Variants in MAST2 observed in about 807,000 individuals in gnomAD.
The protein encoded by MAST2 is microtubule associated serine/threonine kinase 2, also known as microtubule-associated serine/threonine-protein kinase 2.
MAST2 carries 70 observed loss-of-function variants against 147.4 expected under a neutral mutation model. The observed-to-expected ratio is 0.47, with a 90% confidence interval of 0.39 to 0.58. The LOEUF (loss-of-function observed/expected upper bound fraction) is 0.58, where lower values mean the gene tolerates loss of function less well. MAST2 is among the 20% of genes least tolerant of loss of function. The pLI is 0.00. For missense variants in MAST2, 2,080 were observed against 2,302.3 expected (o/e 0.90, Z 1.98); for synonymous variants, 869 against 896.8 (o/e 0.97, Z 0.55).
chr1:45,804,444 T>C (rs1001572782), intron 1 of MAST2, among the ~76,000 whole-genome samples: 3 of 152,160 alleles, frequency 2.0e-5, no homozygotes, highest in Non-Finnish European at 1.5e-5. Flanking sequence ...TTTGATGTAG[T>C]GTTATCCTGT....
chr1:45,809,625 G>A (rs1273904612), intron 1 of MAST2, among the ~76,000 whole-genome samples: 2 of 152,136 alleles, frequency 1.3e-5, no homozygotes, highest in Admixed American at 6.5e-5. Context: ...GAATGAGACC[G>A]TGTCTCGTAA....
At position 46,034,794 on chromosome 1, in the gene MAST2, C is replaced by T. The variant is rs576167345; in HGVS notation, c.4125C>T (p.Pro1375=). ...PLSGHVAQAF[P]TKLHLSPPLG... is the part of the protein sequence containing the mutation. ...CTGGCCATGTAGCCCAGGCCTTTCC[C>T]ACAAAGCTTCACTTGTCACCTCCCC... The change falls in exon 29 of 29, where the codon CCC becomes CCT. Residue 1375 remains proline (P), a synonymous_variant. Coordinates refer to ENST00000361297, the MANE Select transcript of MAST2 (RefSeq NM_015112.3). 18 of 1,613,986 alleles carry T rather than the reference C, an allele frequency of 1.1e-5. No homozygotes were observed. The South Asian group carries it at 1.6e-4, about 15-fold the overall frequency.
chr1:46,003,025 A>G, intron 7 of MAST2, 142 bp downstream of exon 7: 2 of 827,438 alleles, frequency 2.4e-6, no homozygotes, highest in South Asian at 1.5e-5. Flanking sequence ...GTTGGGTGCA[A>G]CAGAGGGCTG....
chr1:45,958,077 C>T (rs1224872608), intron 4 of MAST2, among the ~76,000 whole-genome samples: 1 of 152,088 alleles, frequency 6.6e-6, no homozygotes, highest in African/African-American at 2.4e-5. Context: ...TAGTGGGAGA[C>T]TGTCAGGTTA....
chr1:45,882,471 A>G, intron 4 of MAST2, 76 bp downstream of exon 4: 1 of 1,116,218 alleles, frequency 9.0e-7, no homozygotes, highest in Non-Finnish European at 1.4e-6. Flanking sequence ...TCCCACTATC[A>G]TGTGGAGGAA....
rs759614475 is a variant in MAST2 at position 46,033,908 on chromosome 1, A to G, written c.3644A>G (p.Lys1215Arg). 1 of 1,614,054 alleles carries G rather than the reference A, an allele frequency of 6.2e-7. No homozygotes were observed. Among genetic ancestry groups the G allele is most frequent in the African/African-American group, 1.3e-5 (1 of 74,936 alleles). Residue 1215 changes from lysine to arginine, a missense_variant, in exon 27 of 29, where the codon AAG becomes AGG. Physicochemically the swap from Lys to Arg is conservative, Grantham distance 26. Coordinates refer to ENST00000361297, the MANE Select transcript of MAST2 (RefSeq NM_015112.3). ...SYKAKMARRS[K>R]RSRGKDGQES... is the part of the protein sequence containing the mutation. ...AAGGCCAAGATGGCCCGAAGGAGCA[A>G]GAGGAGCCGCGGCAAGGATGGGCAA...
chr1:45,847,492 A>T, intron 3 of MAST2: 1 of 759,226 alleles, frequency 1.3e-6, no homozygotes, highest in Non-Finnish European at 2.1e-6. Context: ...TCATTCTTCA[A>T]TTTTTCCTTT....
intron 5 of MAST2, among the ~76,000 whole-genome samples, chr1:45,987,821 G>A (rs184869076): frequency 4.8e-5 from 2 of 41,518 alleles, no homozygotes; most frequent in African/African-American, 1.9e-4. Flanking sequence ...TTTTTTGTTA[G>A]AGACCAAGTC....
intron 4 of MAST2, among the ~76,000 whole-genome samples, chr1:45,958,556 C>T (rs1016832361): frequency 8.6e-5 from 13 of 151,342 alleles, no homozygotes; most frequent in Admixed American, 8.6e-4. Flanking sequence ...CTCCCCCTCT[C>T]CCTCTCTCTC....
intron 9 of MAST2, 101 bp from the exon 10 acceptor site, chr1:46,010,629 C>A: frequency 1.1e-6 from 1 of 947,310 alleles, no homozygotes; most frequent in Non-Finnish European, 1.6e-6. Flanking sequence ...AAACCAGGAT[C>A]AGAGGGAGCC....
rs556759946 is a variant in MAST2 at position 46,031,587 on chromosome 1, T to C, written c.3187+2T>C. 6.2e-7 allele frequency: 1 copy of C among 1,609,286 alleles called. No individual in the cohort carries two copies. Among genetic ancestry groups the C allele is most frequent in the African/African-American group, 1.3e-5 (1 of 74,948 alleles). On this transcript the variant is annotated splice_donor_variant, in intron 24 of 28. Coordinates refer to ENST00000361297, the MANE Select transcript of MAST2 (RefSeq NM_015112.3). LOFTEE classifies it high-confidence loss of function. The surrounding 1 kb of genome is among the most constrained non-coding windows in gnomAD (Gnocchi z 4.1). ...CCCTCTCACTCCTCATTCCTTCGGG[T>C]GAGGCCCCTGGGGAGCTGGGATAAA...
intron 5 of MAST2, among the ~76,000 whole-genome samples, chr1:45,988,386 T>G (rs6429588): frequency 0.33 from 50,427 of 152,126 alleles, 8,644 homozygotes; most frequent in African/African-American, 0.41. Context: ...TATGAATATT[T>G]GGGGATTTTC....
intron 10 of MAST2, among the ~76,000 whole-genome samples, chr1:46,012,687 C>G (rs1308556344): frequency 6.6e-6 from 1 of 152,030 alleles, no homozygotes; most frequent in Admixed American, 6.5e-5. Flanking sequence ...TTCACTGAAG[C>G]TAGAAAACAG....
chr1:45,994,683 T>G (rs967692251), intron 5 of MAST2, among the ~76,000 whole-genome samples: 2 of 152,140 alleles, frequency 1.3e-5, no homozygotes, highest in Non-Finnish European at 2.9e-5. Context: ...TATCAGGCCC[T>G]GTCATAAATA....
intron 4 of MAST2, among the ~76,000 whole-genome samples, chr1:45,897,194 G>A (rs1456753343): frequency 6.6e-6 from 1 of 152,146 alleles, no homozygotes; most frequent in Non-Finnish European, 1.5e-5. Flanking sequence ...AGCAATACAA[G>A]TCTAGGAGTA....
At chr1:46,022,203 C>G in intron 12 of MAST2, 121 bp downstream of exon 12, 2 of 1,315,920 alleles carry the variant, frequency 1.5e-6, no homozygotes, top group Non-Finnish European at 2.1e-6. Flanking sequence ...CCCCGGGGGC[C>G]TCAGGATTTT....
intron 5 of MAST2, among the ~76,000 whole-genome samples, chr1:45,984,172 A>C (rs1644522229): frequency 6.6e-6 from 1 of 152,236 alleles, no homozygotes; most frequent in Non-Finnish European, 1.5e-5. Flanking sequence ...GACATTACAG[A>C]AGATAAAAAT....
At chr1:45,963,615 T>G (rs575400122) in intron 5 of MAST2, among the ~76,000 whole-genome samples, 1 of 152,340 alleles carries the variant, frequency 6.6e-6, no homozygotes, top group African/African-American at 2.4e-5. Context: ...ATTGATTTTG[T>G]TTCCTGAGAC....
chr1:45,893,102 A>G (rs1180516642), intron 4 of MAST2, among the ~76,000 whole-genome samples: 1 of 152,214 alleles, frequency 6.6e-6, no homozygotes, highest in Non-Finnish European at 1.5e-5. Flanking sequence ...CCAGTCCTAT[A>G]CATCTATATT....
Sources: gnomAD v4.1 joint callset for allele counts (sites outside exome capture counted in the v4.1 genomes callset) on GRCh38, gnomAD v4.1.1 for gene constraint, Gnocchi (gnomAD v3.1) non-coding constraint, MANE v1.5 for transcripts, NCBI Gene and HGNC (gene_info 2026-07-23, HGNC 2026-07-21) for gene names.